The following VPS13B variants were observed in gnomAD, a reference collection of about 807,000 sequenced individuals.
VPS13B encodes the protein vacuolar protein sorting 13 homolog B.
Under a neutral mutation model 426.4 loss-of-function variants are expected in VPS13B, and 285 were observed. That is an observed-to-expected ratio of 0.67 (90% confidence interval 0.61 to 0.74). The LOEUF is 0.74. VPS13B is among the 30% of genes least tolerant of loss of function. VPS13B has a pLI of 0.00. For missense variants in VPS13B, 4,537 were observed against 4,782.6 expected, an observed-to-expected ratio of 0.95 and a Z score of 1.51; for synonymous variants, 1,676 against 1,676.4, an observed-to-expected ratio of 1.00 and a Z score of 0.01.
intron 20 of VPS13B, among the ~76,000 whole-genome samples, chr8:99,385,821 T>C (rs1814088249): frequency 1.3e-5 from 2 of 152,166 alleles, no homozygotes; most frequent in South Asian, 4.1e-4. Flanking sequence ...TGTTTTAGAC[T>C]GAACTGTTTG....
At chr8:99,542,408 G>A (rs1823672789) in intron 30 of VPS13B, among the ~76,000 whole-genome samples, 1 of 152,202 alleles carries the variant, frequency 6.6e-6, no homozygotes, top group African/African-American at 2.4e-5. Flanking sequence ...GTTGGAAATA[G>A]GTGAGACTTT....
intron 17 of VPS13B, among the ~76,000 whole-genome samples, chr8:99,204,898 CT>C (rs1211134058): frequency 6.6e-6 from 1 of 152,204 alleles, no homozygotes; most frequent in African/African-American, 2.4e-5. Context: ...TGCTTTTACA[CT>C]GTTGGTGGGA....
At chr8:99,027,341 C>G (rs1483376622) in intron 2 of VPS13B, among the ~76,000 whole-genome samples, 1 of 150,262 alleles carries the variant, frequency 6.7e-6, no homozygotes, top group South Asian at 2.1e-4. Context: ...AATATATATC[C>G]ATTCTTCCTT....
At chr8:99,768,181 C>T (rs567242517) in intron 40 of VPS13B, among the ~76,000 whole-genome samples, 7 of 152,292 alleles carry the variant, frequency 4.6e-5, no homozygotes, top group Admixed American at 3.9e-4. Context: ...CTGTTCATTG[C>T]TGTGGATGCC....
intron 34 of VPS13B, among the ~76,000 whole-genome samples, chr8:99,647,603 T>G (rs1829639174): frequency 6.6e-6 from 1 of 151,980 alleles, no homozygotes; most frequent in Non-Finnish European, 1.5e-5. Context: ...TTTAATAATT[T>G]TCAGAAAAGG....
chr8:99,774,081 A>G (rs1319835555), intron 40 of VPS13B, among the ~76,000 whole-genome samples: 1 of 152,172 alleles, frequency 6.6e-6, no homozygotes, highest in Non-Finnish European at 1.5e-5. Flanking sequence ...TGCTACTTTT[A>G]TAGTATATAA....
At chr8:99,859,644 T>A (rs1816730162) in intron 57 of VPS13B, among the ~76,000 whole-genome samples, 164 bp downstream of exon 57, 1 of 152,136 alleles carries the variant, frequency 6.6e-6, no homozygotes, top group Non-Finnish European at 1.5e-5. Context: ...ATATATAATG[T>A]CTTATGTTTT....
At chr8:99,106,830 G>A (rs1563543850) in intron 5 of VPS13B, among the ~76,000 whole-genome samples, 1 of 152,168 alleles carries the variant, frequency 6.6e-6, no homozygotes, top group Non-Finnish European at 1.5e-5. Flanking sequence ...CAAGGGTTGG[G>A]GTTCTGCCTG....
intron 29 of VPS13B, among the ~76,000 whole-genome samples, chr8:99,520,389 TTGTGTGTGTGTGTGTG>T (rs140216567): frequency 5.8e-5 from 8 of 138,496 alleles, no homozygotes; most frequent in Admixed American, 7.3e-5. Flanking sequence ...GTGATATACT[TTGTGTGTGTGTGTGTG>T]TGTGTGTGTG....
chr8:99,079,352 C>T (rs1372946426), intron 3 of VPS13B, among the ~76,000 whole-genome samples: 1 of 152,026 alleles, frequency 6.6e-6, no homozygotes, highest in Non-Finnish European at 1.5e-5. Context: ...CTCCAGATGA[C>T]ACCTGTGGCT....
intron 15 of VPS13B, among the ~76,000 whole-genome samples, chr8:99,162,800 A>G (rs1279679285): frequency 6.6e-6 from 1 of 152,178 alleles, no homozygotes. Context: ...CAAAGCTTCC[A>G]CAGTGTGGAA....
intron 33 of VPS13B, 83 bp downstream of exon 33, chr8:99,577,716 C>A: frequency 2.7e-6 from 4 of 1,470,658 alleles, no homozygotes; most frequent in Non-Finnish European, 3.8e-6. Context: ...ATTAAGCTGA[C>A]TGCTTTCTGC....
chr8:99,192,019 C>T (rs1216692352), intron 16 of VPS13B, among the ~76,000 whole-genome samples: 1 of 152,090 alleles, frequency 6.6e-6, no homozygotes, highest in Non-Finnish European at 1.5e-5. Context: ...ATACAGTATA[C>T]TATAGTAGCA....
intron 39 of VPS13B, among the ~76,000 whole-genome samples, chr8:99,749,438 A>G (rs1810281003): frequency 6.6e-6 from 1 of 151,830 alleles, no homozygotes; most frequent in Non-Finnish European, 1.5e-5. Flanking sequence ...CTTTATCTCC[A>G]TGAGTTCAAT....
intron 30 of VPS13B, among the ~76,000 whole-genome samples, chr8:99,540,616 T>C (rs766647691): frequency 1.3e-5 from 2 of 152,210 alleles, no homozygotes; most frequent in African/African-American, 2.4e-5. Context: ...ATTCATAGAA[T>C]ATTTCCTAGC....
At chr8:99,175,636 A>C (rs767583774) in intron 16 of VPS13B, among the ~76,000 whole-genome samples, 1 of 152,140 alleles carries the variant, frequency 6.6e-6, no homozygotes, top group Non-Finnish European at 1.5e-5. Flanking sequence ...ATGTGCCTAT[A>C]GTCTCAGCTG....
Position 99,818,546 on chromosome 8 carries a change from C to T in VPS13B, c.8445+12C>T. 1.2e-6 allele frequency: 2 copies of T among 1,613,504 alleles called. No homozygotes were observed. The highest frequency in any genetic ancestry group is 1.7e-6 in the Non-Finnish European group (2 of 1,179,528). Reference sequence around the variant, plus strand: ...TGCAACAACGAATGGTGAGTGCTTTCCCAATCCTAAAATATGGTATATGAC... The same window carrying T: ...TGCAACAACGAATGGTGAGTGCTTTTCCAATCCTAAAATATGGTATATGAC... On this transcript the variant is annotated intron_variant, in intron 46 of 61. Transcript: ENST00000357162.
At position 99,111,243 on chromosome 8, in the gene VPS13B, T is replaced by C; in HGVS notation, c.726T>C (p.Tyr242=). The change falls in exon 6 of 62, where the codon TAT becomes TAC. Residue 242 remains tyrosine (Y), a synonymous_variant. Coordinates refer to ENST00000357162, the MANE Select transcript of VPS13B (RefSeq NM_152564.5). ...TCAGAACTCGTCTTCATTTTACATATGAAAACCTAAATTCCAAGATGCCAT... is the reference window on the plus strand; with the variant it reads ...TCAGAACTCGTCTTCATTTTACATACGAAAACCTAAATTCCAAGATGCCAT... ...CSFRTRLHFT[Y]ENLNSKMPSV... The C allele has an allele frequency of 6.2e-7, 1 of 1,603,844 alleles. No individual in the cohort carries two copies. Among genetic ancestry groups the C allele is most frequent in the Non-Finnish European group, 8.5e-7 (1 of 1,176,174 alleles).
At chr8:99,803,446 C>G (rs1295157536) in intron 43 of VPS13B, among the ~76,000 whole-genome samples, 1 of 152,180 alleles carries the variant, frequency 6.6e-6, no homozygotes, top group African/African-American at 2.4e-5. Flanking sequence ...CTCAGTTGAG[C>G]TTACTTTCTC....
Sources: allele counts gnomAD v4.1 joint callset (sites outside exome capture counted in the v4.1 genomes callset), GRCh38; gene constraint gnomAD v4.1.1; transcripts MANE v1.5; gene names NCBI Gene and HGNC (gene_info 2026-07-23, HGNC 2026-07-21).